The following HIVEP2 variants were observed in gnomAD, a reference collection of about 807,000 sequenced individuals.
HIVEP2 encodes the protein transcription factor HIVEP2.
Under a neutral mutation model 180.7 loss-of-function variants are expected in HIVEP2, and 14 were observed. That is an observed-to-expected ratio of 0.08 (90% CI 0.05 to 0.12). The LOEUF (loss-of-function observed/expected upper bound fraction) is 0.12, where lower values mean the gene tolerates loss of function less well. HIVEP2 is among the 10% of genes least tolerant of loss of function. The probability of loss-of-function intolerance (pLI) is 1.00; values close to 1 mark genes in which losing one functional copy is unlikely to be tolerated. For missense variants in HIVEP2, 2,579 were observed against 3,008.5 expected (o/e 0.86, Z 3.34); for synonymous variants, 1,184 against 1,136.4 (o/e 1.04, Z -0.84).
intron 3 of HIVEP2, among the ~76,000 whole-genome samples, chr6:142,781,853 G>A (rs1271637940): frequency 6.6e-6 from 1 of 152,140 alleles, no homozygotes; most frequent in East Asian, 1.9e-4. Flanking sequence ...TAACGGCTGG[G>A]TGGGATTGGC....
rs746592361 is a variant in HIVEP2, at chr6:142,772,947, G to A, written c.1792C>T (p.Leu598=). 6.2e-7 allele frequency: 1 copy of A among 1,614,072 alleles called. No individual in the cohort carries two copies. The highest frequency in any genetic ancestry group is 2.2e-5 in the East Asian group (1 of 44,900). ...ACGTGGCCCTCCTGTACCGAAGGCA[G>A]CTCAAATGCCGCTTGTCTTCTTAGC... The part of the protein sequence containing the change: ...RMLRRQAAFE[L]PSVQEGHVEV... Residue 598 remains leucine, a synonymous_variant, in exon 5 of 10, where the codon CTG becomes TTG. Transcript: ENST00000367603. This position sits in a 1 kb window ranked among gnomAD's most constrained non-coding sequence, Gnocchi z 4.9.
chr6:142,764,518 C>T (rs1236321157), intron 7 of HIVEP2, among the ~76,000 whole-genome samples: 5 of 152,130 alleles, frequency 3.3e-5, no homozygotes, highest in African/African-American at 1.2e-4. Flanking sequence ...ATAACATTTC[C>T]AACATGAAGT....
intron 1 of HIVEP2, among the ~76,000 whole-genome samples, chr6:142,847,763 T>C (rs1214524953): frequency 2.0e-5 from 3 of 152,192 alleles, no homozygotes; most frequent in Non-Finnish European, 4.4e-5. Flanking sequence ...CATAAAAGAC[T>C]ACTGAACCAG....
intron 1 of HIVEP2, among the ~76,000 whole-genome samples, chr6:142,885,394 GC>G (rs1392158600): frequency 1.3e-5 from 2 of 150,216 alleles, no homozygotes; most frequent in African/African-American, 4.9e-5. Flanking sequence ...TCTGCTACCT[GC>G]CTTGAGCAAC....
chr6:142,869,380 AATAT>A (rs1156326639), intron 1 of HIVEP2, among the ~76,000 whole-genome samples: 2 of 152,206 alleles, frequency 1.3e-5, no homozygotes, highest in East Asian at 3.8e-4. Context: ...TCATTTGATA[AATAT>A]ATATAGTATC....
chr6:142,932,983 A>G (rs1248554072), intron 1 of HIVEP2, among the ~76,000 whole-genome samples: 1 of 152,224 alleles, frequency 6.6e-6, no homozygotes, highest in African/African-American at 2.4e-5. Context: ...AGACACTTTA[A>G]GAGATGCCCT....
rs1221043239 is a variant in HIVEP2 at position 142,755,397 on chromosome 6, C to T, written c.6517-1466G>A. Reference sequence around the variant, plus strand: ...AAAGGCACGTCTCCTTCATCAAACACCAGTTTGGGAGGAAGACCTGTAATG... The same window carrying T: ...AAAGGCACGTCTCCTTCATCAAACATCAGTTTGGGAGGAAGACCTGTAATG... On this transcript the variant is annotated intron_variant, in intron 9 of 9. Transcript: ENST00000367603. 3.3e-5 allele frequency among the ~76,000 whole-genome samples: 5 copies of T among 152,186 alleles called. No homozygotes were observed. The East Asian group carries it at 5.8e-4, about 18-fold the overall frequency.
chr6:142,804,201 T>C (rs1027535837), intron 2 of HIVEP2, among the ~76,000 whole-genome samples: 5 of 152,162 alleles, frequency 3.3e-5, no homozygotes, highest in Non-Finnish European at 5.9e-5. Context: ...TCAAAGGACT[T>C]GTGAATAATT....
At chr6:142,924,358 C>G (rs1425425819) in intron 1 of HIVEP2, among the ~76,000 whole-genome samples, 1 of 152,184 alleles carries the variant, frequency 6.6e-6, no homozygotes, top group Non-Finnish European at 1.5e-5. Flanking sequence ...TACTCCGGGT[C>G]AGGCACCGTT....
At chr6:142,793,673 T>TCTCTCTCTCTCTCTCTCTCTCTC (rs1562521411) in intron 2 of HIVEP2, among the ~76,000 whole-genome samples, 3 of 107,424 alleles carry the variant, frequency 2.8e-5, no homozygotes, top group African/African-American at 1.1e-4. Context: ...CTTTCTTTCT[T>TCTCTCTCTCTCTCTCTCTCTCTC]TCTCTCTCTC....
intron 5 of HIVEP2, among the ~76,000 whole-genome samples, chr6:142,769,105 A>G (rs1222100535): frequency 1.3e-5 from 2 of 152,196 alleles, no homozygotes; most frequent in African/African-American, 4.8e-5. Context: ...CAATGAGAGT[A>G]AGCCCTGCAG....
At chr6:142,935,681 G>A (rs1292352367) in intron 1 of HIVEP2, among the ~76,000 whole-genome samples, 1 of 152,112 alleles carries the variant, frequency 6.6e-6, no homozygotes, top group Non-Finnish European at 1.5e-5. Flanking sequence ...AGTGTGGCAG[G>A]TGTTTTTCCT....
At chr6:142,878,279 A>C (rs1776495589) in intron 1 of HIVEP2, among the ~76,000 whole-genome samples, 1 of 152,224 alleles carries the variant, frequency 6.6e-6, no homozygotes, top group Admixed American at 6.5e-5. Context: ...ATCACTGCAT[A>C]GCTAACAAAT....
intron 1 of HIVEP2, among the ~76,000 whole-genome samples, chr6:142,849,050 T>A (rs1282487992): frequency 6.6e-6 from 1 of 152,260 alleles, no homozygotes; most frequent in African/African-American, 2.4e-5. Flanking sequence ...TCAATATCTA[T>A]AATTTGCTAT....
At position 142,774,752 on chromosome 6, in the gene HIVEP2, G is replaced by A; in HGVS notation, c.-14C>T. On this transcript the variant is annotated 5_prime_UTR_variant, in exon 5 of 10. Transcript: ENST00000367603. This position sits in a 1 kb window ranked among gnomAD's most constrained non-coding sequence, Gnocchi z 5.1. ...CCCAGTGTCCATTTTGTTACACAAG[G>A]TCTTAAGTGCTAGTTCCCCTGAAAG... is the stretch of plus-strand genomic sequence containing the variant. The A allele has an allele frequency of 1.2e-6, 2 of 1,610,980 alleles. No individual in the cohort carries two copies. Among genetic ancestry groups the A allele is most frequent in the Non-Finnish European group, 1.7e-6 (2 of 1,178,214 alleles).
intron 1 of HIVEP2, among the ~76,000 whole-genome samples, chr6:142,918,820 G>A (rs1777623380): frequency 6.6e-6 from 1 of 152,164 alleles, no homozygotes; most frequent in African/African-American, 2.4e-5. Flanking sequence ...ACAGGTTCCA[G>A]TAATTTAGAA....
Position 142,773,737 on chromosome 6 carries a change from C to T in HIVEP2, c.1002G>A (p.Gly334=), listed in dbSNP as rs769629222. 1 of 1,614,004 alleles carries T rather than the reference C, an allele frequency of 6.2e-7. No homozygotes were observed. The highest frequency in any genetic ancestry group is 2.2e-5 in the East Asian group (1 of 44,886). Residue 334 remains glycine, a synonymous_variant, in exon 5 of 10, where the codon GGG becomes GGA. Transcript: ENST00000367603. ...GAGAGCTTTCATTAGGGAGAGGAAT[C>T]CCACTTTTAGGGATAATCAAAATCG... ...KVPILIIPKS[G]IPLPNESSQY...
At chr6:142,867,501 C>T (rs908972405) in intron 1 of HIVEP2, among the ~76,000 whole-genome samples, 1 of 152,142 alleles carries the variant, frequency 6.6e-6, no homozygotes, top group African/African-American at 2.4e-5. Flanking sequence ...GCTTTTGGTA[C>T]ACAGAATCTG....
Position 142,760,073 on chromosome 6 carries a change from G to A in HIVEP2, c.6215C>T (p.Pro2072Leu). The A allele has an allele frequency of 6.2e-7, 1 of 1,614,006 alleles. No individual in the cohort carries two copies. Among genetic ancestry groups the A allele is most frequent in the African/African-American group, 1.3e-5 (1 of 74,990 alleles). Residue 2072 changes from proline to leucine, a missense_variant, in exon 9 of 10, where the codon CCC becomes CTC. Pro to Leu is a moderately conservative substitution (Grantham distance 98). Around this residue, in one of 11 missense-constraint regions of HIVEP2, gnomAD observed 660 missense variants for 731.7 expected, o/e 0.90. Transcript: ENST00000367603. ...RYLIPKGDLS[P>L]RRHLSPRRDL... ...TCTCCTAGGTGATAAATGTCTCCTG[G>A]GAGATAAATCTCCTTTGGGTATCAG...
Sources: gnomAD v4.1 joint callset for allele counts (sites outside exome capture counted in the v4.1 genomes callset) on GRCh38, gnomAD v4.1.1 for gene constraint, gnomAD v4.1.1 regional missense constraint, Gnocchi (gnomAD v3.1) non-coding constraint, MANE v1.5 for transcripts, NCBI Gene and HGNC (gene_info 2026-07-23, HGNC 2026-07-21) for gene names.